CHPT1: variants seen among roughly 807,000 people sequenced by gnomAD.
CHPT1 encodes choline phosphotransferase 1.
A neutral mutation model predicts 47.6 loss-of-function variants in CHPT1; 36 were observed. The observed-to-expected ratio is 0.76, with a 90% CI of 0.58 to 1.00. CHPT1 has a LOEUF of 1.00. Among genes scored for constraint, CHPT1 ranks in the 50% least tolerant of loss-of-function variants. The pLI is 0.00. For synonymous variants in CHPT1, 194 were observed against 186.3 expected, an observed-to-expected ratio of 1.04 and a Z score of -0.33; for missense variants, 458 against 498.1, an observed-to-expected ratio of 0.92 and a Z score of 0.77.
rs760254627 is a variant in CHPT1 at position 101,711,881 on chromosome 12, A to G, written c.274-2209A>G. On this transcript the variant is annotated intron_variant, in intron 1 of 8. Coordinates refer to ENST00000229266, the MANE Select transcript of CHPT1 (RefSeq NM_020244.3). ...TGTAAGACACTTTGGGATTCTTTCA[A>G]AAGATTCTGGGTGGGATGTGTTGTT... Among the ~76,000 whole-genome samples the G allele has an allele frequency of 1.3e-5, 2 of 148,884 alleles. 1 individual carries two copies. Among genetic ancestry groups the G allele is most frequent in the Admixed American group, 1.4e-4 (2 of 14,626 alleles).
intron 1 of CHPT1, among the ~76,000 whole-genome samples, chr12:101,707,322 G>T (rs943490960): frequency 6.6e-6 from 1 of 152,182 alleles, no homozygotes; most frequent in Non-Finnish European, 1.5e-5. Context: ...GAAGGTGGGT[G>T]ATTGAGAGTT....
chr12:101,712,609 G>A lies in CHPT1; in HGVS notation c.274-1481G>A, dbSNP rs1427198237. Among the ~76,000 whole-genome samples the A allele has an allele frequency of 4.1e-5, 6 of 148,082 alleles. 1 individual carries two copies. Among genetic ancestry groups the A allele is most frequent in the Non-Finnish European group, 6.0e-5 (4 of 66,290 alleles). On this transcript the variant is annotated intron_variant, in intron 1 of 8. Coordinates refer to ENST00000229266, the MANE Select transcript of CHPT1 (RefSeq NM_020244.3). ...AATTATTTTTAGTCGTTTTTCTTTC[G>A]TCATTTTGGATAGTTTCCATTGGTA...
At position 101,714,523 on chromosome 12, in the gene CHPT1, T is replaced by C. The variant is rs2066920; in HGVS notation, c.441T>C (p.Ala147=). Residue 147 remains alanine, a synonymous_variant, in exon 3 of 9, where the codon GCT becomes GCC. Coordinates refer to ENST00000229266, the MANE Select transcript of CHPT1 (RefSeq NM_020244.3). ...SLSTVFMAVG[A]SIAARLGTYP... ...TTTCAGTATTTATGGCAGTGGGAGC[T>C]TCAATTGCCGCTCGCTTAGGAACTT... The C allele has an allele frequency of 0.12, 195,036 of 1,601,964 alleles. 12,560 individuals carry two copies. The highest frequency in any genetic ancestry group is 0.18 in the East Asian group (7,842 of 44,628).
Position 101,726,557 on chromosome 12 carries a change from T to C in CHPT1, c.1176+153T>C, listed in dbSNP as rs1285724552. 5 of 1,145,830 alleles carry C rather than the reference T, an allele frequency of 4.4e-6. No homozygotes were observed. The Admixed American group carries it at 1.2e-4, about 29-fold the overall frequency. 71.0% of individuals were successfully genotyped at this position (1,145,830 alleles called of 1,614,324 possible). On this transcript the variant is annotated intron_variant, in intron 8 of 8. Transcript: ENST00000229266. ...TAAAACATAAACCCTGTAGATTTCA[T>C]TGTGTCTTATTTCAGTTATGAAGCC...
Position 101,714,187 on chromosome 12 carries a change from G to C in CHPT1, c.371G>C (p.Cys124Ser). ...AAACAAGCCAGAAGAACAAACTCTTGTTCCCCTTTAGGGGAGCTCTTTGAC... is the reference window on the plus strand; with the variant it reads ...AAACAAGCCAGAAGAACAAACTCTTCTTCCCCTTTAGGGGAGCTCTTTGAC... ...DGKQARRTNS[C>S]SPLGELFDHG... The change falls in exon 2 of 9, where the codon TGT becomes TCT. Residue 124 changes from cysteine to serine, a missense_variant. Coordinates refer to ENST00000229266, the MANE Select transcript of CHPT1 (RefSeq NM_020244.3). 6.2e-7 allele frequency: 1 copy of C among 1,613,302 alleles called. No individual in the cohort carries two copies. Among genetic ancestry groups the C allele is most frequent in the Non-Finnish European group, 8.5e-7 (1 of 1,179,522 alleles).
Position 101,714,603 on chromosome 12 carries a change from C to T in CHPT1, c.521C>T (p.Ala174Val). 2 of 1,611,022 alleles carry T rather than the reference C, an allele frequency of 1.2e-6. No individual in the cohort carries two copies. Among genetic ancestry groups the T allele is most frequent in the Non-Finnish European group, 1.7e-6 (2 of 1,178,778 alleles). ...SFIGMFVFYC[A>V]HWQTYVSGML... is the part of the protein sequence containing the mutation. ...ATTGGGATGTTTGTGTTTTATTGCGCTCATTGGCAGACTTATGTTTCAGGC... is the reference window on the plus strand; with the variant it reads ...ATTGGGATGTTTGTGTTTTATTGCGTTCATTGGCAGACTTATGTTTCAGGC... The change falls in exon 3 of 9, where the codon GCT (alanine) becomes GTT (valine). Residue 174 changes from alanine to valine, a missense_variant. Physicochemically the swap from Ala to Val is moderately conservative, Grantham distance 64 (BLOSUM62 0). Transcript: ENST00000229266.
intron 1 of CHPT1, among the ~76,000 whole-genome samples, chr12:101,704,352 C>T (rs904402809): frequency 6.6e-6 from 1 of 150,924 alleles, no homozygotes; most frequent in African/African-American, 2.4e-5. Context: ...AAAACTTAGA[C>T]TCTTACTCTG....
intron 1 of CHPT1, 84 bp downstream of exon 1, chr12:101,698,218 G>A (rs1951494184): frequency 1.5e-6 from 2 of 1,351,502 alleles, no homozygotes; most frequent in South Asian, 1.8e-5. Context: ...GCGGACCCAC[G>A]CGCGGCTGAG....
chr12:101,717,402 C>T (rs1951780522), intron 4 of CHPT1: 1 of 420,836 alleles, frequency 2.4e-6, no homozygotes, highest in South Asian at 1.7e-5. Flanking sequence ...AACGTAAGTC[C>T]ACCATACTGG....
intron 1 of CHPT1, 53 bp downstream of exon 1, chr12:101,698,187 GC>G: frequency 7.3e-7 from 1 of 1,370,964 alleles, no homozygotes; most frequent in South Asian, 1.6e-5. Flanking sequence ...CGGGCGGGTC[GC>G]TGGAGGCGCC....
chr12:101,720,356 G>A (rs1951830542), intron 5 of CHPT1, 102 bp downstream of exon 5: 2 of 980,804 alleles, frequency 2.0e-6, no homozygotes, highest in African/African-American at 1.7e-5. Context: ...AATGGGGAAG[G>A]AAACTAAGTA....
intron 3 of CHPT1, among the ~76,000 whole-genome samples, chr12:101,715,459 A>G (rs1951751024): frequency 6.6e-6 from 1 of 152,186 alleles, no homozygotes; most frequent in South Asian, 2.1e-4. Flanking sequence ...TTGATTCTCA[A>G]TTATGGAATA....
Position 101,698,109 on chromosome 12 carries a change from C to A in CHPT1, c.248C>A (p.Ser83Tyr). ...VNVVTTLVLI[S>Y]YCPTATEEAP... ...GTGGTCACCACGCTCGTGCTCATCT[C>A]CTACTGTCCCACGGCCACCGAAGAG... is the stretch of plus-strand genomic sequence containing the variant. The change falls in exon 1 of 9, where the codon TCC becomes TAC. Residue 83 changes from serine to tyrosine, a missense_variant. Physicochemically the swap from Ser to Tyr is moderately radical, Grantham distance 144 (BLOSUM62 -2). Transcript: ENST00000229266. 2.6e-6 allele frequency: 4 copies of A among 1,543,936 alleles called. No individual in the cohort carries two copies. Among genetic ancestry groups the A allele is most frequent in the Non-Finnish European group, 3.5e-6 (4 of 1,152,528 alleles).
Position 101,723,745 on chromosome 12 carries a change from A to G in CHPT1, c.963A>G (p.Glu321=). The part of the protein sequence containing the change: ...KLVVAHMTKS[E]LYLQDTVFLG... ...AGGTAGCTCACATGACCAAAAGTGA[A>G]CTATATCTTCAAGACACTGTCTTTT... Residue 321 remains glutamate (E), a synonymous_variant, in exon 7 of 9, where the codon GAA becomes GAG. Coordinates refer to ENST00000229266, the MANE Select transcript of CHPT1 (RefSeq NM_020244.3). 6.3e-7 allele frequency: 1 copy of G among 1,578,274 alleles called. No individual in the cohort carries two copies. The highest frequency in any genetic ancestry group is 8.6e-7 in the Non-Finnish European group (1 of 1,160,358).
intron 7 of CHPT1, among the ~76,000 whole-genome samples, chr12:101,724,336 A>G (rs537210468): frequency 6.6e-6 from 1 of 152,296 alleles, no homozygotes; most frequent in South Asian, 2.1e-4. Context: ...ATGGCCACAT[A>G]TCTATAGGCC....
At chr12:101,714,383 G>A in intron 2 of CHPT1, 121 bp from the exon 3 acceptor site, 4 of 1,166,054 alleles carry the variant, frequency 3.4e-6, no homozygotes, top group Non-Finnish European at 4.8e-6. Context: ...ATTTTGATAA[G>A]TGTACTTTAT....
At chr12:101,707,960 C>T (rs571693158) in intron 1 of CHPT1, among the ~76,000 whole-genome samples, 1 of 152,308 alleles carries the variant, frequency 6.6e-6, no homozygotes, top group Non-Finnish European at 1.5e-5. Context: ...AGGATTTTGT[C>T]AGAGGTGCAG....
At chr12:101,719,966 T>G in intron 4 of CHPT1, 157 bp from the exon 5 acceptor site, 1 of 433,796 alleles carries the variant, frequency 2.3e-6, no homozygotes, top group Non-Finnish European at 3.8e-6. Context: ...AAAAAAAAGT[T>G]TTTAAGTTAT....
At chr12:101,710,096 G>A (rs1753232739) in intron 1 of CHPT1, among the ~76,000 whole-genome samples, 1 of 149,302 alleles carries the variant, frequency 6.7e-6, no homozygotes, top group Non-Finnish European at 1.5e-5. Flanking sequence ...TGTAATCCCA[G>A]CACTTTGGGA....
Sources: gnomAD v4.1 joint callset for allele counts (sites outside exome capture counted in the v4.1 genomes callset) on GRCh38, gnomAD v4.1.1 for gene constraint, MANE v1.5 for transcripts, NCBI Gene and HGNC (gene_info 2026-07-23, HGNC 2026-07-21) for gene names.